The following GPC5 variants were observed in gnomAD, a reference collection of about 807,000 sequenced individuals.
GPC5 encodes glypican-5.
In GPC5, 47 loss-of-function variants were observed where a neutral mutation model predicts 53.9. The ratio of observed to expected loss-of-function variants is 0.87; its 90% CI spans 0.69 to 1.11. The LOEUF (loss-of-function observed/expected upper bound fraction) is 1.11, where lower values mean the gene tolerates loss of function less well. Among genes scored for constraint, GPC5 ranks in the 50% most tolerant of loss-of-function variants. The pLI, the probability that GPC5 is intolerant of heterozygous loss-of-function variation, is 0.00. For synonymous variants in GPC5, 286 were observed against 263.3 expected (o/e 1.09, Z -0.84); for missense variants, 748 against 713.1 (o/e 1.05, Z -0.56).
intron 7 of GPC5, among the ~76,000 whole-genome samples, chr13:92,663,728 A>ATATATCTAC (rs1331967472): frequency 1.2e-5 from 1 of 83,412 alleles, no homozygotes; most frequent in East Asian, 2.3e-4. Context: ...TATCTACTAA[A>ATATATCTAC]TATATCTACT....
At chr13:91,897,992 TA>T (rs1481925976) in intron 5 of GPC5, among the ~76,000 whole-genome samples, 3 of 152,100 alleles carry the variant, frequency 2.0e-5, no homozygotes, top group Non-Finnish European at 2.9e-5. Flanking sequence ...AAATATCAAT[TA>T]GAAACAAACA....
At chr13:92,170,036 T>G (rs1256519717) in intron 7 of GPC5, among the ~76,000 whole-genome samples, 1 of 152,066 alleles carries the variant, frequency 6.6e-6, no homozygotes, top group Non-Finnish European at 1.5e-5. Flanking sequence ...ATTTTACAAA[T>G]AAGATTTCCA....
At chr13:92,328,357 A>G (rs1302051272) in intron 7 of GPC5, among the ~76,000 whole-genome samples, 1 of 152,162 alleles carries the variant, frequency 6.6e-6, no homozygotes, top group Non-Finnish European at 1.5e-5. Context: ...AAATGCAAAC[A>G]AACAGAACCA....
Position 92,566,218 on chromosome 13 carries a change from A to G in GPC5, c.1562-300064A>G, listed in dbSNP as rs548283307. 2.6e-4 allele frequency among the ~76,000 whole-genome samples: 40 copies of G among 152,244 alleles called. No individual in the cohort carries two copies. The East Asian group carries it at 6.4e-3, about 24-fold the overall frequency. On this transcript the variant is annotated intron_variant, in intron 7 of 7. Transcript: ENST00000377067. ...ACTGATTTTCCAGGTAGAATTTAAT[A>G]ACAGTTCAGCAGGAAGATGATCCTA... is the stretch of plus-strand genomic sequence containing the variant.
chr13:92,479,860 T>C lies in GPC5; in HGVS notation c.1561+334871T>C, dbSNP rs1879284890. On this transcript the variant is annotated intron_variant, in intron 7 of 7. Transcript: ENST00000377067. ...TATAGCTGAAAACCAAAGATTAGCCTTATGTGTGTGTATGATAACTTGCGA... is the reference window on the plus strand; with the variant it reads ...TATAGCTGAAAACCAAAGATTAGCCCTATGTGTGTGTATGATAACTTGCGA... 2.0e-5 allele frequency among the ~76,000 whole-genome samples: 3 copies of C among 152,174 alleles called. No individual in the cohort carries two copies. In the South Asian group the frequency reaches 6.2e-4, roughly 31 times the overall value.
chr13:92,284,762 A>G (rs929300082), intron 7 of GPC5, among the ~76,000 whole-genome samples: 5 of 152,210 alleles, frequency 3.3e-5, no homozygotes, highest in African/African-American at 9.7e-5. Context: ...AGAGCTATTT[A>G]TGACAAACTC....
intron 7 of GPC5, among the ~76,000 whole-genome samples, chr13:92,331,451 GA>G: frequency 6.6e-6 from 1 of 151,982 alleles, no homozygotes. Flanking sequence ...AGACTAAATT[GA>G]AAAATAAATA....
chr13:92,823,360 T>C (rs1178169074), intron 7 of GPC5, among the ~76,000 whole-genome samples: 1 of 152,122 alleles, frequency 6.6e-6, no homozygotes, highest in Non-Finnish European at 1.5e-5. Context: ...CAAAGGAACA[T>C]ATAAATACAA....
At chr13:92,173,553 A>C (rs1176740873) in intron 7 of GPC5, among the ~76,000 whole-genome samples, 1 of 152,132 alleles carries the variant, frequency 6.6e-6, no homozygotes, top group Non-Finnish European at 1.5e-5. Context: ...TTCTATCAAA[A>C]TTACTTATTC....
chr13:91,852,400 C>T (rs988015420), intron 5 of GPC5, among the ~76,000 whole-genome samples: 2 of 151,896 alleles, frequency 1.3e-5, no homozygotes, highest in African/African-American at 2.4e-5. Context: ...CTTTCATTTC[C>T]TATGATAATA....
chr13:92,826,444 A>G (rs1877850063), intron 7 of GPC5, among the ~76,000 whole-genome samples: 1 of 152,140 alleles, frequency 6.6e-6, no homozygotes, highest in African/African-American at 2.4e-5. Context: ...GACAACATAT[A>G]AATTGCTGCC....
At chr13:92,654,165 C>T (rs1399145671) in intron 7 of GPC5, among the ~76,000 whole-genome samples, 1 of 152,188 alleles carries the variant, frequency 6.6e-6, no homozygotes, top group Non-Finnish European at 1.5e-5. Context: ...AAAGTGCAAA[C>T]TGATATCTCA....
At chr13:91,437,222 C>A (rs1383600752) in intron 1 of GPC5, among the ~76,000 whole-genome samples, 1 of 152,134 alleles carries the variant, frequency 6.6e-6, no homozygotes, top group African/African-American at 2.4e-5. Flanking sequence ...GAATTTGATC[C>A]TGCCATTATG....
chr13:91,430,186 G>GA (rs749548892), intron 1 of GPC5, among the ~76,000 whole-genome samples: 28 of 152,078 alleles, frequency 1.8e-4, no homozygotes, highest in Non-Finnish European at 5.9e-5. Context: ...AACCCATAAG[G>GA]AAAAAAGAGG....
intron 7 of GPC5, among the ~76,000 whole-genome samples, chr13:92,839,581 G>T (rs1026444577): frequency 6.6e-6 from 1 of 152,058 alleles, no homozygotes; most frequent in South Asian, 2.1e-4. Context: ...GTGTTAGTTT[G>T]TTAAGTATAT....
intron 7 of GPC5, among the ~76,000 whole-genome samples, chr13:92,198,000 G>A (rs7990014): frequency 0.089 from 13,571 of 152,064 alleles, 2,033 homozygotes; most frequent in African/African-American, 0.31. Context: ...CCTTGCACTT[G>A]TTATTTTCCT....
chr13:91,590,448 T>G (rs1197153095), intron 2 of GPC5, among the ~76,000 whole-genome samples: 1 of 152,140 alleles, frequency 6.6e-6, no homozygotes, highest in Non-Finnish European at 1.5e-5. Flanking sequence ...CTATATTTTC[T>G]CTTAATAAAC....
intron 4 of GPC5, among the ~76,000 whole-genome samples, chr13:91,745,739 A>T (rs541951770): frequency 5.3e-4 from 80 of 151,112 alleles, no homozygotes; most frequent in Admixed American, 1.3e-3. Context: ...TGGAAAAAAA[A>T]TTTTTTTTCT....
chr13:92,165,792 C>T (rs929487790), intron 7 of GPC5, among the ~76,000 whole-genome samples: 1 of 152,108 alleles, frequency 6.6e-6, no homozygotes, highest in Non-Finnish European at 1.5e-5. Context: ...TTCTAGTATC[C>T]AGGCCTGTTC....
Sources: gnomAD v4.1 joint callset for allele counts (sites outside exome capture counted in the v4.1 genomes callset) on GRCh38, gnomAD v4.1.1 for gene constraint, MANE v1.5 for transcripts, NCBI Gene and HGNC (gene_info 2026-07-23, HGNC 2026-07-21) for gene names.